Variants in C14orf93 observed in about 807,000 individuals in gnomAD.
C14orf93 encodes the protein chromosome 14 open reading frame 93.
Under a neutral mutation model 44.0 loss-of-function variants are expected in C14orf93, and 23 were observed. The observed-to-expected ratio is 0.52, with a 90% CI of 0.38 to 0.74. The LOEUF (loss-of-function observed/expected upper bound fraction) is 0.74, where lower values mean the gene tolerates loss of function less well. Among genes scored for constraint, C14orf93 ranks in the 30% least tolerant of loss-of-function variants. C14orf93 has a pLI of 0.00. For missense variants in C14orf93, 579 were observed against 678.9 expected (o/e 0.85, Z 1.64); for synonymous variants, 253 against 265.7 (o/e 0.95, Z 0.46).
At chr14:22,993,525 A>G (rs964413423) in intron 3 of C14orf93, among the ~76,000 whole-genome samples, 3 of 152,232 alleles carry the variant, frequency 2.0e-5, no homozygotes, top group African/African-American at 7.2e-5. Flanking sequence ...AATGTTTCAG[A>G]AAGTATTTGG....
At position 22,986,388 on chromosome 14, in the gene C14orf93, A is replaced by G. The variant is rs897955105; in HGVS notation, c.*827T>C. The stretch of plus-strand genomic sequence containing the variant: ...ATCAACAATGTATCCATAGCACAGT[A>G]CCTGACACCTAGTAAAGCGATCAAT... On this transcript the variant is annotated 3_prime_UTR_variant, in exon 7 of 7. Coordinates refer to ENST00000299088, the MANE Select transcript of C14orf93 (RefSeq NM_021944.4). 3 of 152,292 alleles carry G rather than the reference A, an allele frequency of 2.0e-5. No individual in the cohort carries two copies. Among genetic ancestry groups the G allele is most frequent in the African/African-American group, 7.2e-5 (3 of 41,468 alleles). 9.4% of individuals were successfully genotyped at this position (152,292 alleles called of 1,614,324 possible). A position where few individuals can be genotyped will look rare whatever the true frequency, so the allele number is the denominator to read the frequency against.
chr14:22,987,834 C>A lies in C14orf93; in HGVS notation c.1197+69G>T. ...TCAACCCTATTCTCATATGCCATGTCCTCTGGCCCTTCCCACTTAGGAAAG... is the reference window on the plus strand; with the variant it reads ...TCAACCCTATTCTCATATGCCATGTACTCTGGCCCTTCCCACTTAGGAAAG... On this transcript the variant is annotated intron_variant, in intron 6 of 6. Coordinates refer to ENST00000299088, the MANE Select transcript of C14orf93 (RefSeq NM_021944.4). This position sits in a 1 kb window ranked among gnomAD's most constrained non-coding sequence, Gnocchi z 5.6. 1 of 1,356,474 alleles carries A rather than the reference C, an allele frequency of 7.4e-7. No individual in the cohort carries two copies. 84.0% of individuals were successfully genotyped at this position (1,356,474 alleles called of 1,614,324 possible).
At chr14:23,007,175 C>G (rs1003992336) in intron 1 of C14orf93, 1 of 152,282 alleles carries the variant, frequency 6.6e-6, no homozygotes, top group Non-Finnish European at 1.5e-5. Context: ...CGGGGAGACA[C>G]CGCCCCGTTT....
chr14:22,997,730 T>C (rs568868764), intron 2 of C14orf93, among the ~76,000 whole-genome samples: 1 of 152,242 alleles, frequency 6.6e-6, no homozygotes, highest in Non-Finnish European at 1.5e-5. Context: ...TCTCCCTATA[T>C]GTTATTCTCT....
intron 2 of C14orf93, chr14:22,998,154 TG>T: frequency 2.5e-6 from 1 of 395,592 alleles, no homozygotes; most frequent in Non-Finnish European, 4.5e-6. Context: ...GAGACAGCTG[TG>T]GAAGAGAAGG....
intron 1 of C14orf93, among the ~76,000 whole-genome samples, chr14:23,003,124 T>G (rs1302494895): frequency 2.0e-5 from 3 of 152,232 alleles, no homozygotes; most frequent in African/African-American, 7.2e-5. Context: ...TTCAATTTGT[T>G]CCTCAATTGC....
intron 5 of C14orf93, among the ~76,000 whole-genome samples, chr14:22,988,700 C>G (rs1326163401): frequency 2.6e-5 from 4 of 152,078 alleles, no homozygotes; most frequent in Admixed American, 1.3e-4. Flanking sequence ...CCACCTCCAT[C>G]TCCAACACTA....
chr14:22,987,434 G>A lies in C14orf93; in HGVS notation c.1398C>T (p.Gly466=), dbSNP rs2045289910. Residue 466 remains glycine (G), a synonymous_variant, in exon 7 of 7, where the codon GGC becomes GGT. Transcript: ENST00000299088. The surrounding 1 kb of genome is among the most constrained non-coding windows in gnomAD (Gnocchi z 5.6). ...CYHLDANSKH[G]TKANRVYGPP... ...GCCCATACACACGGTTGGCTTTGGTGCCATGCTTAGAGTTAGCATCCAGGT... is the reference window on the plus strand; with the variant it reads ...GCCCATACACACGGTTGGCTTTGGTACCATGCTTAGAGTTAGCATCCAGGT... 2 of 1,614,244 alleles carry A rather than the reference G, an allele frequency of 1.2e-6. No individual in the cohort carries two copies. Among genetic ancestry groups the A allele is most frequent in the Non-Finnish European group, 1.7e-6 (2 of 1,180,054 alleles).
At chr14:22,991,848 G>C (rs968311615) in intron 3 of C14orf93, among the ~76,000 whole-genome samples, 3 of 152,178 alleles carry the variant, frequency 2.0e-5, no homozygotes, top group African/African-American at 7.2e-5. Context: ...GGGATTACAG[G>C]CATGAGCCAC....
At chr14:23,006,056 G>A (rs919578131) in intron 1 of C14orf93, 2 of 152,098 alleles carry the variant, frequency 1.3e-5, no homozygotes, top group African/African-American at 4.8e-5. Flanking sequence ...TTTATAATGG[G>A]TGCTTGACTC....
chr14:22,992,786 T>C lies in C14orf93; in HGVS notation c.919-2659A>G, dbSNP rs185918519. On this transcript the variant is annotated intron_variant, in intron 3 of 6. Transcript: ENST00000299088. Reference sequence around the variant, plus strand: ...TTTTGGTAGAGATGGGGTTTCACCATGTTGGCCAGGCTGGTCTTGAACTCC... The same window carrying C: ...TTTTGGTAGAGATGGGGTTTCACCACGTTGGCCAGGCTGGTCTTGAACTCC... Among the ~76,000 whole-genome samples, 273 of 152,148 alleles carry C rather than the reference T, an allele frequency of 1.8e-3. 1 individual carries two copies. Among genetic ancestry groups the C allele is most frequent in the African/African-American group, 6.3e-3 (262 of 41,538 alleles).
intron 5 of C14orf93, among the ~76,000 whole-genome samples, chr14:22,989,394 G>T (rs554638029): frequency 6.6e-6 from 1 of 152,248 alleles, no homozygotes; most frequent in South Asian, 2.1e-4. Flanking sequence ...TAATATTTAG[G>T]GACCAAGGGG....
At chr14:22,999,805 A>T (rs1483653807) in intron 1 of C14orf93, among the ~76,000 whole-genome samples, 2 of 152,218 alleles carry the variant, frequency 1.3e-5, no homozygotes. Flanking sequence ...TACATCCATC[A>T]CTGCAGCCCT....
chr14:23,004,696 A>G (rs1475703154), intron 1 of C14orf93, among the ~76,000 whole-genome samples: 1 of 152,104 alleles, frequency 6.6e-6, no homozygotes, highest in East Asian at 1.9e-4. Context: ...AGGCGGGTAG[A>G]TCACCTGAGG....
chr14:22,998,683 C>T lies in C14orf93; in HGVS notation c.341G>A (p.Ser114Asn), dbSNP rs747395566. The change falls in exon 2 of 7, where the codon AGC (serine) becomes AAC (asparagine). Residue 114 changes from serine to asparagine, a missense_variant. By Grantham distance (46) the Ser-to-Asn change is conservative. Transcript: ENST00000299088. Reference sequence around the variant, plus strand: ...CTCAGGTGGGGAACTATGTGCCCGGCTTTCCCCATCTTCATCAGGGATGGA... The same window carrying T: ...CTCAGGTGGGGAACTATGTGCCCGGTTTTCCCCATCTTCATCAGGGATGGA... ...KVSIPDEDGE[S>N]RAHSSPPEEP... 1.2e-6 allele frequency: 2 copies of T among 1,614,224 alleles called. No homozygotes were observed. The highest frequency in any genetic ancestry group is 1.7e-6 in the Non-Finnish European group (2 of 1,180,020).
Position 22,987,234 on chromosome 14 carries a change from T to A in C14orf93, c.1598A>T (p.Lys533Met). The A allele has an allele frequency of 6.2e-7, 1 of 1,612,750 alleles. No homozygotes were observed. The highest frequency in any genetic ancestry group is 8.5e-7 in the Non-Finnish European group (1 of 1,178,918). The change falls in exon 7 of 7, where the codon AAG becomes ATG. Residue 533 changes from lysine to methionine, a missense_variant. Coordinates refer to ENST00000299088, the MANE Select transcript of C14orf93 (RefSeq NM_021944.4). This position sits in a 1 kb window ranked among gnomAD's most constrained non-coding sequence, Gnocchi z 5.6. The part of the protein sequence containing the change: ...CPDLNSFIEI[K>M]VEKDE ...TAGATTTTATTCATCCTTTTCCACC[T>A]TGATTTCAATGAATGAGTTCAAGTC...
intron 1 of C14orf93, chr14:23,005,842 A>C (rs2046595986): frequency 6.6e-6 from 1 of 152,164 alleles, no homozygotes; most frequent in African/African-American, 2.4e-5. Flanking sequence ...ACTGTCCATA[A>C]TTTTAACTAT....
chr14:22,989,880 G>A (rs757805192), intron 4 of C14orf93, 35 bp from the exon 5 acceptor site: 14 of 1,576,620 alleles, frequency 8.9e-6, no homozygotes, highest in Middle Eastern at 1.7e-4. Flanking sequence ...TAAAGTTGTC[G>A]GCTTTGTAAG....
In C14orf93 at chr14:22,989,773, ACT is replaced by A. The variant is rs1382121752; in HGVS notation, c.1051_1052del (p.His353GlnfsTer4). The A allele has an allele frequency of 8.7e-6, 14 of 1,613,822 alleles. No individual in the cohort carries two copies. Among genetic ancestry groups the A allele is most frequent in the Non-Finnish European group, 1.2e-5 (14 of 1,179,846 alleles). On this transcript the variant is annotated frameshift_variant, in exon 5 of 7. Coordinates refer to ENST00000299088, the MANE Select transcript of C14orf93 (RefSeq NM_021944.4). LOFTEE classifies it high-confidence loss of function. ...LEKLKQELVT[S>X]PHNYTDKELK... ...GCTCCTTATCAGTGTAATTGTGGGG[ACT>A]GGTCACCAGCTCTTGCTTGAGCTTT...
Sources: gnomAD v4.1 joint callset for allele counts (sites outside exome capture counted in the v4.1 genomes callset) on GRCh38, gnomAD v4.1.1 for gene constraint, Gnocchi (gnomAD v3.1) non-coding constraint, MANE v1.5 for transcripts, NCBI Gene and HGNC (gene_info 2026-07-23, HGNC 2026-07-21) for gene names.